Variants in SATB2 observed in about 807,000 individuals in gnomAD.
The protein encoded by SATB2 is DNA-binding protein SATB2.
A neutral mutation model predicts 73.4 loss-of-function variants in SATB2; 1 was observed. The observed-to-expected ratio is 0.01, with a 90% CI of 0.00 to 0.06. SATB2 has a LOEUF of 0.06. Among genes scored for constraint, SATB2 ranks in the 10% least tolerant of loss-of-function variants. The pLI, the probability that SATB2 is intolerant of heterozygous loss-of-function variation, is 1.00. For missense variants in SATB2, 459 were observed against 945.8 expected, an observed-to-expected ratio of 0.49 and a Z score of 6.75; for synonymous variants, 397 against 367.0, an observed-to-expected ratio of 1.08 and a Z score of -0.93.
chr2:199,320,907 A>G (rs142184705), intron 9 of SATB2, among the ~76,000 whole-genome samples: 1 of 152,226 alleles, frequency 6.6e-6, no homozygotes, highest in Non-Finnish European at 1.5e-5. Flanking sequence ...ATAAATTTCA[A>G]ATGGAAGGAG....
At chr2:199,381,119 T>G (rs966685810) in intron 4 of SATB2, among the ~76,000 whole-genome samples, 1 of 152,220 alleles carries the variant, frequency 6.6e-6, no homozygotes, top group East Asian at 1.9e-4. Context: ...TTTAGAGAGA[T>G]ATCTTGTTCC....
chr2:199,410,120 T>C (rs949014135), intron 3 of SATB2, among the ~76,000 whole-genome samples: 1 of 152,206 alleles, frequency 6.6e-6, no homozygotes, highest in Non-Finnish European at 1.5e-5. Flanking sequence ...TTGAGGCTAT[T>C]TGAGGGATCT....
chr2:199,387,504 T>C (rs1347473964), intron 3 of SATB2, among the ~76,000 whole-genome samples: 3 of 152,234 alleles, frequency 2.0e-5, no homozygotes, highest in African/African-American at 4.8e-5. Flanking sequence ...GACATAAACA[T>C]TGTTTTCCAA....
intron 1 of SATB2, among the ~76,000 whole-genome samples, chr2:199,456,975 T>A (rs865944266): frequency 8.1e-6 from 1 of 123,786 alleles, no homozygotes; most frequent in African/African-American, 3.3e-5. Context: ...ATTGGGGGGG[T>A]GGGGGGGGGC....
intron 10 of SATB2, among the ~76,000 whole-genome samples, chr2:199,295,386 T>C (rs1260103179): frequency 1.3e-5 from 2 of 152,086 alleles, no homozygotes; most frequent in Non-Finnish European, 2.9e-5. Flanking sequence ...ACTCAGTGTT[T>C]CGCTGGCAAA....
chr2:199,421,139 T>C (rs975017525), intron 3 of SATB2, among the ~76,000 whole-genome samples: 2 of 152,122 alleles, frequency 1.3e-5, no homozygotes, highest in African/African-American at 4.8e-5. Flanking sequence ...ATGGAGCCAA[T>C]GACACTATTA....
In SATB2 at chr2:199,270,281, C is replaced by CA. The variant is rs1330860234; in HGVS notation, c.*1929_*1930insT. On this transcript the variant is annotated 3_prime_UTR_variant, in exon 11 of 11. Coordinates refer to ENST00000417098, the MANE Select transcript of SATB2 (RefSeq NM_001172509.2). ...GTCCCTTTAAAAACTCCAGAGGTTACTGAGCAGCTAGAATTAGCTTGTATT... is the reference window on the plus strand; with the variant it reads ...GTCCCTTTAAAAACTCCAGAGGTTACATGAGCAGCTAGAATTAGCTTGTATT... 4 of 152,688 alleles carry CA rather than the reference C, an allele frequency of 2.6e-5. No individual in the cohort carries two copies. Among genetic ancestry groups the CA allele is most frequent in the Non-Finnish European group, 4.4e-5 (3 of 68,026 alleles). The allele number at this position is 152,688 out of a possible 1,614,324, so 9.5% of individuals were successfully genotyped here.
chr2:199,446,785 C>T (rs1691973979), intron 2 of SATB2, among the ~76,000 whole-genome samples: 1 of 152,126 alleles, frequency 6.6e-6, no homozygotes, highest in African/African-American at 2.4e-5. Flanking sequence ...TGATATACAT[C>T]CCACTCTAAA....
intron 10 of SATB2, among the ~76,000 whole-genome samples, chr2:199,289,308 G>A (rs114056186): frequency 0.023 from 3,487 of 152,214 alleles, 149 homozygotes; most frequent in African/African-American, 0.078. Context: ...GCTTTCTCAA[G>A]AAAATGAGTC....
At position 199,349,233 on chromosome 2, in the gene SATB2, T is replaced by C. The variant is rs1688744108; in HGVS notation, c.701-60A>G. 10 of 1,269,306 alleles carry C rather than the reference T, an allele frequency of 7.9e-6. No individual in the cohort carries two copies. The South Asian group carries it at 1.3e-4, about 16-fold the overall frequency. The allele number at this position is 1,269,306 out of a possible 1,614,324, so 78.6% of individuals were successfully genotyped here. A position where few individuals can be genotyped will look rare whatever the true frequency, so the allele number is the denominator to read the frequency against. ...TTTCATTGGTACAATTTATTGCTAA[T>C]ATATGTAGAACTGAATTATCATACT... On this transcript the variant is annotated intron_variant, in intron 6 of 10. Transcript: ENST00000417098.
intron 3 of SATB2, among the ~76,000 whole-genome samples, chr2:199,388,716 G>T (rs1038655758): frequency 1.3e-5 from 2 of 152,040 alleles, no homozygotes; most frequent in Non-Finnish European, 1.5e-5. Flanking sequence ...AAAGGCTGGG[G>T]TTTGTATATC....
chr2:199,309,668 A>C (rs1479155366), intron 9 of SATB2, among the ~76,000 whole-genome samples: 1 of 152,216 alleles, frequency 6.6e-6, no homozygotes, highest in South Asian at 2.1e-4. Flanking sequence ...ATGTAATGCA[A>C]ATAATGATGG....
chr2:199,279,850 T>A, intron 10 of SATB2, among the ~76,000 whole-genome samples: 1 of 152,066 alleles, frequency 6.6e-6, no homozygotes, highest in East Asian at 1.9e-4. Context: ...CCAAGAAAAA[T>A]ATACTTAAGG....
chr2:199,293,709 T>C (rs1692940886), intron 10 of SATB2, among the ~76,000 whole-genome samples: 1 of 152,156 alleles, frequency 6.6e-6, no homozygotes, highest in Admixed American at 6.5e-5. Flanking sequence ...GTAAATCCAT[T>C]GGAAGCTGAG....
chr2:199,336,111 C>T (rs892899198), intron 7 of SATB2, among the ~76,000 whole-genome samples: 2 of 152,068 alleles, frequency 1.3e-5, no homozygotes, highest in African/African-American at 4.8e-5. Context: ...ACTTAATCTA[C>T]GTAATGATTA....
At chr2:199,382,384 C>T (rs185310611) in intron 3 of SATB2, among the ~76,000 whole-genome samples, 1 of 152,304 alleles carries the variant, frequency 6.6e-6, no homozygotes, top group African/African-American at 2.4e-5. Flanking sequence ...TGCAATACCA[C>T]GGTGATTGAC....
In SATB2 at chr2:199,403,071, A is replaced by G. The variant is rs1690528653; in HGVS notation, c.347-21251T>C. Among the ~76,000 whole-genome samples the G allele has an allele frequency of 2.0e-5, 3 of 152,220 alleles. 1 individual carries two copies. The South Asian group carries it at 6.2e-4, about 32-fold the overall frequency. On this transcript the variant is annotated intron_variant, in intron 3 of 10. Coordinates refer to ENST00000417098, the MANE Select transcript of SATB2 (RefSeq NM_001172509.2). The stretch of plus-strand genomic sequence containing the variant: ...TCATGAATTTGTCAACCAGGCATAG[A>G]ATGCAGACTTTTAAAATTATTGTCT...
chr2:199,428,208 A>T (rs974079112), intron 3 of SATB2, among the ~76,000 whole-genome samples: 1 of 152,200 alleles, frequency 6.6e-6, no homozygotes, highest in South Asian at 2.1e-4. Context: ...TAGGCCCTCT[A>T]CAAGTATTTA....
intron 3 of SATB2, among the ~76,000 whole-genome samples, chr2:199,382,748 T>G (rs892594139): frequency 4.6e-5 from 7 of 152,142 alleles, no homozygotes; most frequent in Non-Finnish European, 1.0e-4. Flanking sequence ...AACAAAAATT[T>G]TATTTGTAGG....
Sources: allele counts gnomAD v4.1 joint callset (sites outside exome capture counted in the v4.1 genomes callset), GRCh38; gene constraint gnomAD v4.1.1; transcripts MANE v1.5; gene names NCBI Gene and HGNC (gene_info 2026-07-23, HGNC 2026-07-21).